Variants in NAALADL2 observed in about 807,000 individuals in gnomAD.
The protein encoded by NAALADL2 is inactive N-acetylated-alpha-linked acidic dipeptidase-like protein 2.
Under a neutral mutation model 87.2 loss-of-function variants are expected in NAALADL2, and 76 were observed. The ratio of observed to expected loss-of-function variants is 0.87; its 90% CI spans 0.72 to 1.05. The LOEUF (loss-of-function observed/expected upper bound fraction) is 1.05, where lower values mean the gene tolerates loss of function less well. Ranked by LOEUF, NAALADL2 falls within the 50% of genes least tolerant of loss-of-function variation. The pLI, the probability that NAALADL2 is intolerant of heterozygous loss-of-function variation, is 0.00. For missense variants in NAALADL2, 1,089 were observed against 945.8 expected, an observed-to-expected ratio of 1.15 and a Z score of -1.99; for synonymous variants, 354 against 331.0, an observed-to-expected ratio of 1.07 and a Z score of -0.75.
At chr3:174,805,164 T>G (rs550733469) in intron 3 of NAALADL2, among the ~76,000 whole-genome samples, 4 of 152,168 alleles carry the variant, frequency 2.6e-5, no homozygotes, top group African/African-American at 9.6e-5. Context: ...TCTTTTATGC[T>G]GTCAAAATTG....
chr3:174,873,439 G>T (rs1177437838), intron 1 of NAALADL2, among the ~76,000 whole-genome samples: 3 of 151,960 alleles, frequency 2.0e-5, no homozygotes, highest in Admixed American at 6.6e-5. Context: ...ATTCTTAATA[G>T]AGATGGGGTT....
At chr3:175,305,980 A>G (rs982685535) in intron 4 of NAALADL2, among the ~76,000 whole-genome samples, 11 of 152,028 alleles carry the variant, frequency 7.2e-5, no homozygotes, top group Admixed American at 3.9e-4. Flanking sequence ...GATTTTTTTG[A>G]TAAAAAACAT....
At chr3:175,592,878 TTAAAG>T (rs1721720193) in intron 10 of NAALADL2, among the ~76,000 whole-genome samples, 1 of 151,882 alleles carries the variant, frequency 6.6e-6, no homozygotes, top group Non-Finnish European at 1.5e-5. Context: ...ACCCTAAAAC[TTAAAG>T]TATAATAATA....
At chr3:175,118,808 C>T (rs927118962) in intron 2 of NAALADL2, among the ~76,000 whole-genome samples, 5 of 151,688 alleles carry the variant, frequency 3.3e-5, no homozygotes, top group Admixed American at 2.6e-4. Context: ...CCTAAGCTTA[C>T]TGCTTTGATG....
intron 5 of NAALADL2, among the ~76,000 whole-genome samples, chr3:175,390,146 T>TC (rs546644234): frequency 1.3e-3 from 198 of 152,120 alleles, no homozygotes; most frequent in African/African-American, 4.6e-3. Flanking sequence ...AACTTTTAAT[T>TC]CAAGATTTAA....
chr3:175,129,855 T>A (rs1560065028), intron 2 of NAALADL2, among the ~76,000 whole-genome samples: 1 of 152,200 alleles, frequency 6.6e-6, no homozygotes, highest in Non-Finnish European at 1.5e-5. Context: ...AATTGTTAGA[T>A]CATATAGTAG....
rs145842620 is a variant in NAALADL2 at position 175,463,724 on chromosome 3, G to GAGAGAGAGAGAGAGAGAGAGAGAGAGAC, written c.1327+243_1327+244insAGAGAGAGAGAGAGACAGAGAGAGAGAG. On this transcript the variant is annotated intron_variant, in intron 7 of 13. Coordinates refer to ENST00000454872, the MANE Select transcript of NAALADL2 (RefSeq NM_207015.3). ...GGGGAGAGAGAGAGAGAGAGAGAGA[G>GAGAGAGAGAGAGAGAGAGAGAGAGAGAC]AGAGAGAGAGAGGTGGGGATCTCTC... is the stretch of plus-strand genomic sequence containing the variant. Among the ~76,000 whole-genome samples, 524 of 148,172 alleles carry GAGAGAGAGAGAGAGAGAGAGAGAGAGAC rather than the reference G, an allele frequency of 3.5e-3. 7 individuals carry two copies. The highest frequency in any genetic ancestry group is 0.013 in the African/African-American group (509 of 38,580).
chr3:174,554,477 T>C (rs549586552), intron 2 of NAALADL2, among the ~76,000 whole-genome samples: 20 of 152,188 alleles, frequency 1.3e-4, no homozygotes, highest in African/African-American at 4.8e-4. Flanking sequence ...GCCTTTTCTT[T>C]ACTCTTTCTC....
chr3:175,616,319 C>G (rs558251723), intron 10 of NAALADL2, among the ~76,000 whole-genome samples: 5 of 148,300 alleles, frequency 3.4e-5, no homozygotes, highest in African/African-American at 1.2e-4. Flanking sequence ...TTAAATAAAT[C>G]TAAATAAATA....
At chr3:175,562,397 A>G (rs914905611) in intron 9 of NAALADL2, among the ~76,000 whole-genome samples, 4 of 152,060 alleles carry the variant, frequency 2.6e-5, no homozygotes, top group Non-Finnish European at 5.9e-5. Flanking sequence ...TGTATTATGT[A>G]CATATTATTA....
chr3:174,926,363 A>G (rs1450690996), intron 1 of NAALADL2, among the ~76,000 whole-genome samples: 3 of 152,128 alleles, frequency 2.0e-5, no homozygotes, highest in Admixed American at 6.5e-5. Flanking sequence ...GAACGCCACA[A>G]AGATACTCCT....
rs187620403 is a variant in NAALADL2, at chr3:175,474,543, G to A, written c.1653+2785G>A. 1.6e-3 allele frequency among the ~76,000 whole-genome samples: 236 copies of A among 152,154 alleles called. 1 individual carries two copies. Among genetic ancestry groups the A allele is most frequent in the African/African-American group, 5.4e-3 (224 of 41,516 alleles). On this transcript the variant is annotated intron_variant, in intron 9 of 13. Transcript: ENST00000454872. ...AAGTCACAATTACTGGATATATTGA[G>A]GTATAATTCACATACAGTAAGATTC...
intron 5 of NAALADL2, among the ~76,000 whole-genome samples, chr3:175,327,660 G>A (rs1282248285): frequency 1.3e-5 from 2 of 152,072 alleles, no homozygotes; most frequent in African/African-American, 4.8e-5. Flanking sequence ...GAAGTAACAA[G>A]ACAAAAGAAA....
intron 1 of NAALADL2, among the ~76,000 whole-genome samples, chr3:175,026,270 T>C (rs968764768): frequency 8.6e-5 from 13 of 152,044 alleles, no homozygotes; most frequent in Admixed American, 6.6e-5. Context: ...TGTAATCTCA[T>C]GCACTTTGGA....
chr3:175,756,344 T>A (rs1263191698), intron 13 of NAALADL2, among the ~76,000 whole-genome samples: 1 of 152,078 alleles, frequency 6.6e-6, no homozygotes, highest in African/African-American at 2.4e-5. Context: ...AGGAAAACAA[T>A]TTTTTTATAT....
intron 2 of NAALADL2, among the ~76,000 whole-genome samples, chr3:174,562,193 A>C (rs1264114942): frequency 6.6e-6 from 1 of 152,180 alleles, no homozygotes; most frequent in Non-Finnish European, 1.5e-5. Flanking sequence ...ATAATTTTCT[A>C]CTTAACTCAA....
intron 5 of NAALADL2, among the ~76,000 whole-genome samples, chr3:175,430,579 T>C (rs1233351623): frequency 6.6e-6 from 1 of 152,028 alleles, no homozygotes; most frequent in African/African-American, 2.4e-5. Context: ...ATCTTCATAT[T>C]TACATCTTAC....
At chr3:175,639,338 T>TTTTTTTTTTTGTG (rs3979289) in intron 11 of NAALADL2, among the ~76,000 whole-genome samples, 1 of 143,100 alleles carries the variant, frequency 7.0e-6, no homozygotes, top group African/African-American at 2.8e-5. Context: ...TTTTTTTTTT[T>TTTTTTTTTTTGTG]GAGACGGAGT....
intron 4 of NAALADL2, among the ~76,000 whole-genome samples, chr3:175,319,703 C>G (rs1759595479): frequency 6.6e-6 from 1 of 152,056 alleles, no homozygotes; most frequent in Non-Finnish European, 1.5e-5. Context: ...GCCTGTAATC[C>G]CAGCTACTTG....
Sources: gnomAD v4.1 joint callset for allele counts (sites outside exome capture counted in the v4.1 genomes callset) on GRCh38, gnomAD v4.1.1 for gene constraint, MANE v1.5 for transcripts, NCBI Gene and HGNC (gene_info 2026-07-23, HGNC 2026-07-21) for gene names.